The following HERPUD2 variants were observed in gnomAD, a reference collection of about 807,000 sequenced individuals.
HERPUD2 encodes homocysteine-responsive endoplasmic reticulum-resident ubiquitin-like domain member 2 protein.
Under a neutral mutation model 49.9 loss-of-function variants are expected in HERPUD2, and 13 were observed. The observed-to-expected ratio is 0.26, with a 90% confidence interval of 0.17 to 0.41. The LOEUF is 0.41. Ranked by LOEUF, HERPUD2 falls within the 10% of genes least tolerant of loss-of-function variation. The probability of loss-of-function intolerance (pLI) is 1.00; values close to 1 mark genes in which losing one functional copy is unlikely to be tolerated. For synonymous variants in HERPUD2, 172 were observed against 171.4 expected, an observed-to-expected ratio of 1.00 and a Z score of -0.03; for missense variants, 449 against 492.2, an observed-to-expected ratio of 0.91 and a Z score of 0.83.
rs1000864699 is a variant in HERPUD2 at position 35,681,403 on chromosome 7, G to A, written c.148-8125C>T. On this transcript the variant is annotated intron_variant, in intron 2 of 8. Transcript: ENST00000311350. ...TTCAGCCACTGTGAAAAAAAGTCTG[G>A]CAGTGTCTCAGAAAGTTAAACATAC... Among the ~76,000 whole-genome samples the A allele has an allele frequency of 5.3e-5, 8 of 152,246 alleles. No individual in the cohort carries two copies. In the East Asian group the frequency reaches 7.7e-4, roughly 15 times the overall value.
intron 2 of HERPUD2, among the ~76,000 whole-genome samples, chr7:35,687,475 A>T (rs759253925): frequency 2.0e-5 from 3 of 152,240 alleles, no homozygotes; most frequent in Non-Finnish European, 4.4e-5. Context: ...ATAATAAGAC[A>T]AAGAACAAGT....
intron 5 of HERPUD2, among the ~76,000 whole-genome samples, chr7:35,663,228 T>G (rs1785465860): frequency 6.6e-6 from 1 of 152,250 alleles, no homozygotes; most frequent in Non-Finnish European, 1.5e-5. Context: ...CACTGTGGTC[T>G]GAGAGACAGT....
In HERPUD2 at chr7:35,638,001, C is replaced by G. The variant is rs546903382; in HGVS notation, c.617+349G>C. ...AGTAAGCATATTAGCTGCACTTGAG[C>G]CCTACATAAGCTATGGCCTCCCTGA... On this transcript the variant is annotated intron_variant, in intron 6 of 8. Coordinates refer to ENST00000311350, the MANE Select transcript of HERPUD2 (RefSeq NM_022373.5). Among the ~76,000 whole-genome samples the G allele has an allele frequency of 1.2e-3, 177 of 152,310 alleles. 1 individual carries two copies. The highest frequency in any genetic ancestry group is 4.1e-3 in the African/African-American group (169 of 41,570).
At chr7:35,668,893 A>T (rs1366927419) in intron 4 of HERPUD2, among the ~76,000 whole-genome samples, 1 of 152,184 alleles carries the variant, frequency 6.6e-6, no homozygotes, top group African/African-American at 2.4e-5. Context: ...CTTATTAGGT[A>T]ATTATTTTAT....
chr7:35,686,338 C>A (rs1786043733), intron 2 of HERPUD2, among the ~76,000 whole-genome samples: 1 of 150,052 alleles, frequency 6.7e-6, no homozygotes, highest in African/African-American at 2.5e-5. Context: ...CAGGTGCCTG[C>A]CACCACGCCC....
intron 5 of HERPUD2, among the ~76,000 whole-genome samples, chr7:35,645,758 T>C (rs1331027363): frequency 6.6e-6 from 1 of 152,230 alleles, no homozygotes; most frequent in Non-Finnish European, 1.5e-5. Flanking sequence ...CATTATGTGT[T>C]AAAATAAACA....
At chr7:35,677,090 A>T (rs1785778817) in intron 2 of HERPUD2, among the ~76,000 whole-genome samples, 1 of 152,222 alleles carries the variant, frequency 6.6e-6, no homozygotes, top group Admixed American at 6.5e-5. Context: ...ACTATAAACA[A>T]GGTGCATTCA....
chr7:35,639,993 G>C (rs1006310239), intron 5 of HERPUD2, among the ~76,000 whole-genome samples: 2 of 151,958 alleles, frequency 1.3e-5, no homozygotes, highest in African/African-American at 4.8e-5. Flanking sequence ...CAGCTCTCTT[G>C]GACACAGGAC....
At chr7:35,662,063 T>G (rs752416814) in intron 5 of HERPUD2, among the ~76,000 whole-genome samples, 3 of 152,256 alleles carry the variant, frequency 2.0e-5, no homozygotes, top group Non-Finnish European at 4.4e-5. Context: ...ATACCTAATT[T>G]ATTGAGAGTT....
rs542576812 is a variant in HERPUD2, at chr7:35,667,471, G to C, written c.457C>G (p.Gln153Glu). ...QRTLPQAQTDQAQSHQFPYVM... is the reference protein window; with the variant it reads ...QRTLPQAQTDEAQSHQFPYVM... Reference sequence around the variant, plus strand: ...TATGGAAACTGGTGACTCTGTGCTTGGTCAGTTTGTGCTTGTGGAAGGGTA... The same window carrying C: ...TATGGAAACTGGTGACTCTGTGCTTCGTCAGTTTGTGCTTGTGGAAGGGTA... Residue 153 changes from glutamine (Q) to glutamate (E), a missense_variant, in exon 5 of 9, where the codon CAA becomes GAA. Transcript: ENST00000311350. 5 of 1,613,742 alleles carry C rather than the reference G, an allele frequency of 3.1e-6. No individual in the cohort carries two copies. In the Admixed American group the frequency reaches 6.7e-5, roughly 22 times the overall value.
In HERPUD2 at chr7:35,679,785, A is replaced by G. The variant is rs117173592; in HGVS notation, c.148-6507T>C. Among the ~76,000 whole-genome samples the G allele has an allele frequency of 7.2e-5, 11 of 152,278 alleles. No individual in the cohort carries two copies. The East Asian group carries it at 2.1e-3, about 29-fold the overall frequency. On this transcript the variant is annotated intron_variant, in intron 2 of 8. Coordinates refer to ENST00000311350, the MANE Select transcript of HERPUD2 (RefSeq NM_022373.5). ...TTCATATATTTTAATAGGCAACTCA[A>G]ATTCTACAATGCATTTCAATTCCCA...
Position 35,638,433 on chromosome 7 carries a change from A to T in HERPUD2, c.534T>A (p.Pro178=), listed in dbSNP as rs1223648228. The change falls in exon 6 of 9, where the codon CCT becomes CCA. Residue 178 remains proline (P), a synonymous_variant. Coordinates refer to ENST00000311350, the MANE Select transcript of HERPUD2 (RefSeq NM_022373.5). ...TAAACGCGGGATACACTGGGAATCCAGGTGGAGCAGCTTGCCCAGGAAATT... is the reference window on the plus strand; with the variant it reads ...TAAACGCGGGATACACTGGGAATCCTGGTGGAGCAGCTTGCCCAGGAAATT... The part of the protein sequence containing the change: ...DNQFPGQAAP[P]GFPVYPAFSP... 1 of 1,613,744 alleles carries T rather than the reference A, an allele frequency of 6.2e-7. No individual in the cohort carries two copies. Among genetic ancestry groups the T allele is most frequent in the African/African-American group, 1.3e-5 (1 of 75,064 alleles).
intron 5 of HERPUD2, among the ~76,000 whole-genome samples, chr7:35,651,557 C>A (rs1263248030): frequency 6.6e-6 from 1 of 152,084 alleles, no homozygotes; most frequent in Non-Finnish European, 1.5e-5. Context: ...ACCCGAACAC[C>A]ACCATAGACC....
intron 6 of HERPUD2, among the ~76,000 whole-genome samples, chr7:35,637,180 T>C (rs143093246): frequency 6.7e-6 from 1 of 148,790 alleles, no homozygotes. Context: ...GATAGATAGA[T>C]AGATAGATAG....
chr7:35,673,250 G>A lies in HERPUD2; in HGVS notation c.176C>T (p.Ser59Leu), dbSNP rs754607758. 25 of 1,611,258 alleles carry A rather than the reference G, an allele frequency of 1.6e-5. No individual in the cohort carries two copies. Among genetic ancestry groups the A allele is most frequent in the South Asian group, 4.4e-5 (4 of 90,724 alleles). Residue 59 changes from serine to leucine, a missense_variant, in exon 3 of 9, where the codon TCG (serine) becomes TTG (leucine). Physicochemically the swap from Ser to Leu is moderately radical, Grantham distance 145. Transcript: ENST00000311350. ...CAGATGATCGGGAAGCAGTCTGCCC[G>A]AATACACCAATCTCTGATCCTTCGT... The part of the protein sequence containing the change: ...PLTKDQRLVY[S>L]GRLLPDHLQL...
chr7:35,650,942 G>A (rs542898157), intron 5 of HERPUD2, among the ~76,000 whole-genome samples: 4 of 152,276 alleles, frequency 2.6e-5, no homozygotes, highest in South Asian at 4.1e-4. Flanking sequence ...TCCAGTGGCT[G>A]AGCATGCCAT....
intron 2 of HERPUD2, among the ~76,000 whole-genome samples, chr7:35,688,032 A>G (rs1181186953): frequency 6.6e-6 from 1 of 152,190 alleles, no homozygotes; most frequent in Non-Finnish European, 1.5e-5. Flanking sequence ...CAGTAAAGGC[A>G]ATCTTCAACT....
chr7:35,651,697 C>T (rs1785172074), intron 5 of HERPUD2, among the ~76,000 whole-genome samples: 1 of 151,650 alleles, frequency 6.6e-6, no homozygotes, highest in African/African-American at 2.4e-5. Flanking sequence ...TATGACACTT[C>T]CAAAAGGACG....
At chr7:35,661,690 T>C (rs1327932835) in intron 5 of HERPUD2, among the ~76,000 whole-genome samples, 1 of 152,214 alleles carries the variant, frequency 6.6e-6, no homozygotes, top group Non-Finnish European at 1.5e-5. Flanking sequence ...GTTATTGGTG[T>C]ATAGGAATGC....
Sources: allele counts gnomAD v4.1 joint callset (sites outside exome capture counted in the v4.1 genomes callset), GRCh38; gene constraint gnomAD v4.1.1; transcripts MANE v1.5; gene names NCBI Gene and HGNC (gene_info 2026-07-23, HGNC 2026-07-21).